BCOR: variants seen among roughly 807,000 people sequenced by gnomAD.
BCOR encodes BCL-6 corepressor.
Under a neutral mutation model 86.7 loss-of-function variants are expected in BCOR, and 10 were observed. The ratio of observed to expected loss-of-function variants is 0.12; its 90% CI spans 0.07 to 0.20. The LOEUF (loss-of-function observed/expected upper bound fraction) is 0.20. Among genes scored for constraint, BCOR ranks in the 10% least tolerant of loss-of-function variants. The probability of loss-of-function intolerance (pLI) is 1.00; values close to 1 mark genes in which losing one functional copy is unlikely to be tolerated. For missense variants in BCOR, 1,259 were observed against 1,452.1 expected, an observed-to-expected ratio of 0.87 and a Z score of 2.16; for synonymous variants, 611 against 609.0, an observed-to-expected ratio of 1.00 and a Z score of -0.05.
Position 40,051,719 on chromosome X carries a change from C to T in BCOR, c.*390G>A, listed in dbSNP as rs1433961841. Reference sequence around the variant, plus strand: ...CTTCCCCGAATTCGCTCCCTCAAACCAACCACACAGTTCTGACCACTCTAC... The same window carrying T: ...CTTCCCCGAATTCGCTCCCTCAAACTAACCACACAGTTCTGACCACTCTAC... On this transcript the variant is annotated 3_prime_UTR_variant, in exon 15 of 15. Transcript: ENST00000378444. 1 of 185,748 alleles carries T rather than the reference C, an allele frequency of 5.4e-6. No individual in the cohort carries two copies. The highest frequency in any genetic ancestry group is 7.9e-5 in the East Asian group (1 of 12,672). The allele number at this position is 185,748 out of a possible 1,213,427, so 15.3% of individuals were successfully genotyped here.
chrX:40,164,186 T>A (rs1182404329), intron 1 of BCOR, among the ~76,000 whole-genome samples: 1 of 112,621 alleles, frequency 8.9e-6, no homozygotes, highest in Non-Finnish European at 1.9e-5. Flanking sequence ...GCTCATGCTA[T>A]GGGACACAGC....
chrX:40,133,722 A>C (rs1257914674), intron 1 of BCOR, among the ~76,000 whole-genome samples: 5 of 110,842 alleles, frequency 4.5e-5, no homozygotes, highest in Non-Finnish European at 9.4e-5. Context: ...GGCCTCCCAA[A>C]GTGCTGGGAT....
intron 1 of BCOR, among the ~76,000 whole-genome samples, chrX:40,165,922 C>A (rs1002909661): frequency 3.0e-4 from 33 of 111,833 alleles, no homozygotes; most frequent in African/African-American, 1.0e-3. Context: ...GGATTACAGG[C>A]CTGAGCCACC....
intron 1 of BCOR, among the ~76,000 whole-genome samples, chrX:40,153,946 G>A (rs1280901114): frequency 9.1e-6 from 1 of 110,413 alleles, no homozygotes; most frequent in Non-Finnish European, 1.9e-5. Context: ...GGCAGGGGGC[G>A]GGGACGCAGC....
At chrX:40,109,345 T>A (rs1602229190) in intron 1 of BCOR, among the ~76,000 whole-genome samples, 1 of 107,045 alleles carries the variant, frequency 9.3e-6, no homozygotes, top group African/African-American at 3.5e-5. Context: ...ACTTGTCAGG[T>A]CAAGGGCAGG....
rs578207394 is a variant in BCOR at position 40,171,498 on chromosome X, G to C, written c.-41+5509C>G. Among the ~76,000 whole-genome samples, 101 of 73,394 alleles carry C rather than the reference G, an allele frequency of 1.4e-3. No individual in the cohort carries two copies. In the South Asian group the frequency reaches 0.015, roughly 11 times the overall value. The allele number at this position is 73,394 out of a possible 115,157, so 63.7% of individuals were successfully genotyped here. ...CATGTGTTTAGGTTTAATCCCCATG[G>C]GGGGGGGGCGTAAGGAGAATGGGGG... On this transcript the variant is annotated intron_variant, in intron 1 of 14. Transcript: ENST00000342274.
intron 1 of BCOR, among the ~76,000 whole-genome samples, chrX:40,137,342 T>C (rs1183989435): frequency 4.6e-5 from 5 of 109,735 alleles, no homozygotes; most frequent in Non-Finnish European, 9.5e-5. Flanking sequence ...AGGTTGGGAG[T>C]TCGAGACCAG....
In BCOR at chrX:40,053,919, G is replaced by A. The variant is rs763651353; in HGVS notation, c.4943C>T (p.Pro1648Leu). The A allele has an allele frequency of 9.9e-6, 12 of 1,209,023 alleles. No homozygotes were observed. The highest frequency in any genetic ancestry group is 5.3e-5 in the South Asian group (3 of 56,681). ...EFEFSETPLL[P>L]CYNIQVSVAQ... ...CACAGATACTTGGATGTTATAACAC[G>A]GTAAGAGGGGGGTCTCTGAAAATTC... Residue 1648 changes from proline to leucine, a missense_variant, in exon 14 of 15, where the codon CCG becomes CTG. Physicochemically the swap from Pro to Leu is moderately conservative, Grantham distance 98. This residue lies in a region of BCOR where 137 missense variants were observed against 149.8 expected (regional missense o/e 0.91). Coordinates refer to ENST00000378444, the MANE Select transcript of BCOR (RefSeq NM_001123385.2).
chrX:40,125,062 C>T (rs1474509802), intron 1 of BCOR, among the ~76,000 whole-genome samples: 2 of 109,536 alleles, frequency 1.8e-5, no homozygotes, highest in African/African-American at 6.7e-5. Context: ...TAAAAGCACA[C>T]GTGGCCAGCC....
At chrX:40,139,415 A>ATAT (rs1555935902) in intron 1 of BCOR, among the ~76,000 whole-genome samples, 1 of 6,094 alleles carries the variant, frequency 1.6e-4, no homozygotes, top group African/African-American at 1.5e-3. Flanking sequence ...ATATATATAT[A>ATAT]ATATATATAC....
At position 40,148,724 on chromosome X, in the gene BCOR, C is replaced by G. The variant is rs755525869; in HGVS notation, c.-41+28283G>C. Among the ~76,000 whole-genome samples the G allele has an allele frequency of 1.1e-4, 12 of 111,282 alleles. 1 individual carries two copies. Among genetic ancestry groups the G allele is most frequent in the African/African-American group, 3.6e-4 (11 of 30,564 alleles). ...ATATTATCTCATGTGCCGCGGCAGC[C>G]TCACCACCAGCGCTGTGAGGGAAGT... On this transcript the variant is annotated intron_variant, in intron 1 of 14. Transcript: ENST00000342274.
intron 1 of BCOR, among the ~76,000 whole-genome samples, chrX:40,118,831 ACT>A (rs1423180265): frequency 9.0e-6 from 1 of 110,626 alleles, no homozygotes; most frequent in South Asian, 3.8e-4. Context: ...TGCTTGGGAG[ACT>A]CTGTTTTTGT....
At chrX:40,102,024 C>A (rs745343751), upstream of BCOR, among the ~76,000 whole-genome samples, 1 of 112,309 alleles carries the variant, frequency 8.9e-6, no homozygotes, top group African/African-American at 3.2e-5. Context: ...AAGCACAAGG[C>A]ACAGCTGGCT....
intron 1 of BCOR, among the ~76,000 whole-genome samples, chrX:40,136,536 C>T (rs1472543650): frequency 2.7e-5 from 3 of 111,716 alleles, no homozygotes; most frequent in Non-Finnish European, 3.8e-5. Context: ...TTAATTCTTC[C>T]GAGTATTTAT....
chrX:40,058,205 G>A (rs73468207), intron 10 of BCOR, among the ~76,000 whole-genome samples: 38 of 112,507 alleles, frequency 3.4e-4, no homozygotes, highest in African/African-American at 1.0e-3. Context: ...CTTCTTTGGC[G>A]TGTTAAAACA....
intron 14 of BCOR, 43 bp from the exon 15 acceptor site, chrX:40,052,443 G>A (rs1934352091): frequency 8.6e-7 from 1 of 1,159,602 alleles, no homozygotes; most frequent in Non-Finnish European, 1.2e-6. Flanking sequence ...CCAGTAAAAT[G>A]AAAAGTGCGC....
intron 10 of BCOR, among the ~76,000 whole-genome samples, chrX:40,061,385 C>A (rs1934859220): frequency 9.0e-6 from 1 of 111,202 alleles, no homozygotes; most frequent in African/African-American, 3.3e-5. Flanking sequence ...ATTATCTGTT[C>A]AAATCATGTA....
In BCOR at chrX:40,117,767, G is replaced by A. The variant is rs1055694404; in HGVS notation, c.-40-39798C>T. On this transcript the variant is annotated intron_variant, in intron 1 of 14. Transcript: ENST00000342274. Reference sequence around the variant, plus strand: ...CTTGGTGTGTGACCTTGGGCAAGTCGCTCACCCTCTCTGGACTTCAGCTTC... The same window carrying A: ...CTTGGTGTGTGACCTTGGGCAAGTCACTCACCCTCTCTGGACTTCAGCTTC... Among the ~76,000 whole-genome samples the A allele has an allele frequency of 4.5e-5, 5 of 110,462 alleles. 1 individual carries two copies. The highest frequency in any genetic ancestry group is 1.3e-4 in the African/African-American group (4 of 30,302).
intron 6 of BCOR, chrX:40,067,986 A>G (rs1295571036): frequency 8.9e-6 from 1 of 111,898 alleles, no homozygotes; most frequent in Non-Finnish European, 1.9e-5. Context: ...CATTGCAACT[A>G]CTTACAGCCC....
Sources: allele counts gnomAD v4.1 joint callset (sites outside exome capture counted in the v4.1 genomes callset), GRCh38; gene constraint gnomAD v4.1.1; regional missense constraint gnomAD v4.1.1; transcripts MANE v1.5; gene names NCBI Gene and HGNC (gene_info 2026-07-23, HGNC 2026-07-21).